Variants in KAT6A observed in about 807,000 individuals in gnomAD.
KAT6A encodes lysine acetyltransferase 6A.
KAT6A carries 9 observed loss-of-function variants against 198.4 expected under a neutral mutation model. The observed-to-expected ratio is 0.05, with a 90% confidence interval of 0.03 to 0.08. KAT6A has a LOEUF of 0.08. Ranked by LOEUF, KAT6A falls within the 10% of genes least tolerant of loss-of-function variation. The probability of loss-of-function intolerance (pLI) is 1.00; values close to 1 mark genes in which losing one functional copy is unlikely to be tolerated. For missense variants in KAT6A, 2,077 were observed against 2,509.9 expected (o/e 0.83, Z 3.69); for synonymous variants, 890 against 883.0 (o/e 1.01, Z -0.14).
rs143118288 is a variant in KAT6A, at chr8:41,933,731, C to T, written c.4489G>A (p.Val1497Ile). ...AGGGCAGGCACGTTGGGACTGCTGA[C>T]CGAACGGACTGACTGGCTGGGGTGA... ...QSHPSQSVRS[V>I]SSPNVPALES... The change falls in exon 17 of 17, where the codon GTC (valine) becomes ATC (isoleucine). Residue 1497 changes from valine (V) to isoleucine (I), a missense_variant. Coordinates refer to ENST00000265713, the MANE Select transcript of KAT6A (RefSeq NM_006766.5). The surrounding 1 kb of genome is among the most constrained non-coding windows in gnomAD (Gnocchi z 6.2). 4 of 1,613,958 alleles carry T rather than the reference C, an allele frequency of 2.5e-6. No homozygotes were observed. The African/African-American group carries it at 5.3e-5, about 22-fold the overall frequency.
chr8:41,972,685 C>T (rs1823856962), intron 8 of KAT6A, among the ~76,000 whole-genome samples: 1 of 152,134 alleles, frequency 6.6e-6, no homozygotes, highest in Non-Finnish European at 1.5e-5. Context: ...ACTAGAGAGA[C>T]GTGACAACTA....
chr8:41,968,247 G>A (rs565927344), intron 8 of KAT6A, among the ~76,000 whole-genome samples: 3 of 152,076 alleles, frequency 2.0e-5, no homozygotes, highest in African/African-American at 7.2e-5. Flanking sequence ...CTAATATACA[G>A]AATCTACAAT....
intron 8 of KAT6A, among the ~76,000 whole-genome samples, chr8:41,967,506 C>G (rs1207590602): frequency 7.0e-6 from 1 of 142,356 alleles, no homozygotes; most frequent in Non-Finnish European, 1.5e-5. Flanking sequence ...TCCATGTGTT[C>G]TCACTGTTCA....
intron 2 of KAT6A, among the ~76,000 whole-genome samples, chr8:41,998,072 T>C (rs1825308856): frequency 6.6e-6 from 1 of 152,034 alleles, no homozygotes; most frequent in South Asian, 2.1e-4. Flanking sequence ...CAGTAAGAAG[T>C]CTAGTAAATG....
At chr8:41,992,825 A>G (rs996737737) in intron 2 of KAT6A, among the ~76,000 whole-genome samples, 2 of 152,328 alleles carry the variant, frequency 1.3e-5, no homozygotes, top group East Asian at 3.9e-4. Flanking sequence ...TACTTGGCCA[A>G]TCTACTATAC....
rs1823357060 is a variant in KAT6A, at chr8:41,964,449, T to C, written c.1483-9038A>G. Among the ~76,000 whole-genome samples the C allele has an allele frequency of 3.3e-5, 5 of 152,062 alleles. No homozygotes were observed. The South Asian group carries it at 1.0e-3, about 32-fold the overall frequency. On this transcript the variant is annotated intron_variant, in intron 8 of 16. Transcript: ENST00000265713. ...GTGAATACCTGAAAACTGCAGATAG[T>C]ATTAAATGTTATACAAGTTGAGTAT...
Position 41,977,061 on chromosome 8 carries a change from T to C in KAT6A, c.1310A>G (p.Tyr437Cys). The change falls in exon 7 of 17, where the codon TAT (tyrosine) becomes TGT (cysteine). Residue 437 changes from tyrosine to cysteine, a missense_variant. Transcript: ENST00000265713. ...RGEVVDYSEQ[Y>C]RIRKRGNRKS... Reference sequence around the variant, plus strand: ...CCTGTTGCCCCTCTTTCTGATTCGATATTGCTCAGAGTAGTCCACCACTTC... The same window carrying C: ...CCTGTTGCCCCTCTTTCTGATTCGACATTGCTCAGAGTAGTCCACCACTTC... 1.2e-6 allele frequency: 2 copies of C among 1,613,890 alleles called. No individual in the cohort carries two copies. Among genetic ancestry groups the C allele is most frequent in the South Asian group, 1.1e-5 (1 of 91,076 alleles).
rs528026957 is a variant in KAT6A at position 41,968,097 on chromosome 8, C to T, written c.1482+6607G>A. 6.0e-4 allele frequency among the ~76,000 whole-genome samples: 91 copies of T among 152,040 alleles called. 1 individual carries two copies. Among genetic ancestry groups the T allele is most frequent in the East Asian group, 3.3e-3 (17 of 5,176 alleles). On this transcript the variant is annotated intron_variant, in intron 8 of 16. Coordinates refer to ENST00000265713, the MANE Select transcript of KAT6A (RefSeq NM_006766.5). ...TTCATGTCTAAAACACCAAAAGCAA[C>T]GGCAACAAAAGCCAAAATTGACAAA...
rs1821902590 is a variant in KAT6A, at chr8:41,937,392, C to T, written c.3216G>A (p.Glu1072=). ...GGAAAAGTTCATTTTCATCCTCTTCCTCCTCTTCTTCATCGATCTCAAACG... is the reference window on the plus strand; with the variant it reads ...GGAAAAGTTCATTTTCATCCTCTTCTTCCTCTTCTTCATCGATCTCAAACG... The part of the protein sequence containing the change: ...EPTFEIDEEE[E]EEDENELFPR... Residue 1072 remains glutamate (E), a synonymous_variant, in exon 16 of 17, where the codon GAG becomes GAA. Coordinates refer to ENST00000265713, the MANE Select transcript of KAT6A (RefSeq NM_006766.5). 1 of 1,614,084 alleles carries T rather than the reference C, an allele frequency of 6.2e-7. No homozygotes were observed. Among genetic ancestry groups the T allele is most frequent in the Non-Finnish European group, 8.5e-7 (1 of 1,179,982 alleles).
intron 2 of KAT6A, among the ~76,000 whole-genome samples, chr8:42,007,575 G>A (rs1437779376): frequency 6.6e-6 from 1 of 152,060 alleles, no homozygotes; most frequent in Admixed American, 6.6e-5. Flanking sequence ...AGCTTTTAAG[G>A]GCTGAGGAGT....
Position 42,005,052 on chromosome 8 carries a change from T to C in KAT6A, c.601-17489A>G, listed in dbSNP as rs545156124. On this transcript the variant is annotated intron_variant, in intron 2 of 16. Coordinates refer to ENST00000265713, the MANE Select transcript of KAT6A (RefSeq NM_006766.5). ...TTCATTCATGTTAATGGCTGTGTCA[T>C]AGTTTGTTACTTCTCATCGCCAGTA... Among the ~76,000 whole-genome samples, 10 of 152,362 alleles carry C rather than the reference T, an allele frequency of 6.6e-5. No individual in the cohort carries two copies. In the East Asian group the frequency reaches 1.7e-3, roughly 26 times the overall value.
At chr8:41,980,719 T>A in intron 5 of KAT6A, 127 bp downstream of exon 5, 1 of 731,528 alleles carries the variant, frequency 1.4e-6, no homozygotes, top group Non-Finnish European at 2.4e-6. Context: ...GTGACAGTTC[T>A]CTTCCTACTT....
chr8:41,985,662 G>C (rs1357644787), intron 3 of KAT6A, among the ~76,000 whole-genome samples: 1 of 152,174 alleles, frequency 6.6e-6, no homozygotes, highest in Non-Finnish European at 1.5e-5. Flanking sequence ...GATAGAGGCA[G>C]ACACAGTAAC....
rs1802436017 is a variant in KAT6A, at chr8:42,048,552, G to A, written c.426C>T (p.Gly142=). 3 of 1,614,176 alleles carry A rather than the reference G, an allele frequency of 1.9e-6. No homozygotes were observed. Among genetic ancestry groups the A allele is most frequent in the Non-Finnish European group, 2.5e-6 (3 of 1,180,012 alleles). Residue 142 remains glycine, a synonymous_variant, in exon 2 of 17, where the codon GGC becomes GGT. Coordinates refer to ENST00000265713, the MANE Select transcript of KAT6A (RefSeq NM_006766.5). ...SALFGGSAAS[G]FHQQLRLAIK... Reference sequence around the variant, plus strand: ...TAGCCAATCGTAACTGCTGGTGAAAGCCAGAGGCAGCACTGCCTCCGAATA... The same window carrying A: ...TAGCCAATCGTAACTGCTGGTGAAAACCAGAGGCAGCACTGCCTCCGAATA...
chr8:42,035,644 T>C (rs1422683039), intron 2 of KAT6A, among the ~76,000 whole-genome samples: 2 of 152,112 alleles, frequency 1.3e-5, no homozygotes, highest in East Asian at 1.9e-4. Flanking sequence ...AAGGGAAGAA[T>C]GGTCAACAAA....
rs546988229 is a variant in KAT6A, at chr8:42,023,239, A to G, written c.600+25139T>C. On this transcript the variant is annotated intron_variant, in intron 2 of 16. Coordinates refer to ENST00000265713, the MANE Select transcript of KAT6A (RefSeq NM_006766.5). ...GCTTGCAGGACTAGAAGTTGCCCCA[A>G]GAAAGTCAGTGAATGAGTGGTGAGT... Among the ~76,000 whole-genome samples, 96 of 152,290 alleles carry G rather than the reference A, an allele frequency of 6.3e-4. No homozygotes were observed. The East Asian group carries it at 0.011, about 17-fold the overall frequency.
In KAT6A at chr8:41,967,276, T is replaced by A. The variant is rs983428965; in HGVS notation, c.1482+7428A>T. Among the ~76,000 whole-genome samples the A allele has an allele frequency of 2.3e-3, 342 of 146,444 alleles. 2 individuals are homozygous for A. The highest frequency in any genetic ancestry group is 7.8e-3 in the African/African-American group (308 of 39,440). ...GTCTTTCTTTTTTTAAAAAAAAAAA[T>A]TTATTTATTTATTTATTTATTTATT... is the stretch of plus-strand genomic sequence containing the variant. On this transcript the variant is annotated intron_variant, in intron 8 of 16. Coordinates refer to ENST00000265713, the MANE Select transcript of KAT6A (RefSeq NM_006766.5).
chr8:41,979,985 G>A (rs1331245304), intron 5 of KAT6A, among the ~76,000 whole-genome samples: 1 of 152,144 alleles, frequency 6.6e-6, no homozygotes, highest in Non-Finnish European at 1.5e-5. Flanking sequence ...CATGGGTGAG[G>A]GGGTGGAATA....
At chr8:42,037,691 CTTTT>C (rs35961436) in intron 2 of KAT6A, among the ~76,000 whole-genome samples, 1 of 140,868 alleles carries the variant, frequency 7.1e-6, no homozygotes. Flanking sequence ...ACATTGAAAG[CTTTT>C]TTTTTTTTTT....
Sources: allele counts gnomAD v4.1 joint callset (sites outside exome capture counted in the v4.1 genomes callset), GRCh38; gene constraint gnomAD v4.1.1; non-coding constraint Gnocchi (gnomAD v3.1); transcripts MANE v1.5; gene names NCBI Gene and HGNC (gene_info 2026-07-23, HGNC 2026-07-21).